IKBIP: variants seen among roughly 807,000 people sequenced by gnomAD.
The protein encoded by IKBIP is IKBKB interacting protein.
In IKBIP, 28 loss-of-function variants were observed where a neutral mutation model predicts 31.0. The ratio of observed to expected loss-of-function variants is 0.90; its 90% CI spans 0.67 to 1.24. The LOEUF is 1.24. IKBIP is among the 50% of genes most tolerant of loss of function. The probability of loss-of-function intolerance (pLI) is 0.00; values close to 1 mark genes in which losing one functional copy is unlikely to be tolerated. For missense variants in IKBIP, 453 were observed against 441.9 expected, an observed-to-expected ratio of 1.03 and a Z score of -0.23; for synonymous variants, 164 against 160.3, an observed-to-expected ratio of 1.02 and a Z score of -0.17.
chr12:98,630,589 T>C (rs1046161657), intron 2 of IKBIP, among the ~76,000 whole-genome samples: 1 of 152,128 alleles, frequency 6.6e-6, no homozygotes, highest in Non-Finnish European at 1.5e-5. Flanking sequence ...GAGAAAAAAA[T>C]TGGTTTCATT....
downstream of IKBIP, among the ~76,000 whole-genome samples, chr12:98,622,192 T>A (rs1035563923): frequency 7.9e-5 from 12 of 152,228 alleles, no homozygotes; most frequent in African/African-American, 2.6e-4. Context: ...CCTCTCCTGC[T>A]GTGTAAAGCT....
downstream of IKBIP, among the ~76,000 whole-genome samples, chr12:98,622,074 TAAA>T (rs397850941): frequency 9.8e-5 from 13 of 132,232 alleles, no homozygotes; most frequent in Admixed American, 1.5e-4. Flanking sequence ...GACTCCATCT[TAAA>T]AAAAAAAAAA....
chr12:98,620,372 AT>A (rs879561952), downstream of IKBIP, among the ~76,000 whole-genome samples: 243 of 142,264 alleles, frequency 1.7e-3, 1 homozygote, highest in South Asian at 0.028. Flanking sequence ...TTGCTAAAGG[AT>A]TTTTTTTTTT....
exon 3 of IKBIP, chr12:98,613,920 T>A (rs1273314610): frequency 2.5e-6 from 4 of 1,613,540 alleles, no homozygotes; most frequent in African/African-American, 1.3e-5. Flanking sequence ...TTAACAGAGT[T>A]AATTCTTTGT....
At chr12:98,629,462 G>A (rs1244420023) in intron 2 of IKBIP, among the ~76,000 whole-genome samples, 1 of 152,150 alleles carries the variant, frequency 6.6e-6, no homozygotes, top group Non-Finnish European at 1.5e-5. Context: ...GGGAGGCTGA[G>A]GTGGGAGGAT....
chr12:98,615,481 G>A (rs569200656), intron 2 of IKBIP, among the ~76,000 whole-genome samples: 11 of 152,146 alleles, frequency 7.2e-5, no homozygotes, highest in African/African-American at 2.2e-4. Context: ...CGCCCGCCTC[G>A]ACCTCCCAAA....
Position 98,644,597 on chromosome 12 carries a change from G to C in IKBIP, c.105C>G (p.Ser35Arg). ...GGGGGTCTGCCCAGCCCCCGCCTCC[G>C]CTGCTCCGGGCCACGGGGGTCTTCC... ...EGGKTPVARS[S>R]GGGGWADPRT... Residue 35 changes from serine to arginine, a missense_variant, in exon 1 of 3, where the codon AGC becomes AGG. Physicochemically the swap from Ser to Arg is moderately radical, Grantham distance 110. Coordinates refer to ENST00000299157, the MANE Select transcript of IKBIP (RefSeq NM_153687.4). 1 of 1,609,746 alleles carries C rather than the reference G, an allele frequency of 6.2e-7. No individual in the cohort carries two copies. Among genetic ancestry groups the C allele is most frequent in the Non-Finnish European group, 8.5e-7 (1 of 1,178,622 alleles).
At chr12:98,637,010 C>G (rs74932821) in intron 1 of IKBIP, among the ~76,000 whole-genome samples, 3 of 151,896 alleles carry the variant, frequency 2.0e-5, no homozygotes, top group Non-Finnish European at 4.4e-5. Flanking sequence ...TATAGATTAG[C>G]GAGTTTATTC....
chr12:98,624,592 G>T lies in IKBIP; in HGVS notation c.*1338C>A, dbSNP rs1048112938. The T allele has an allele frequency of 1.1e-6, 1 of 932,204 alleles. No homozygotes were observed. Among genetic ancestry groups the T allele is most frequent in the Non-Finnish European group, 1.3e-6 (1 of 781,738 alleles). 57.7% of individuals were successfully genotyped at this position (932,204 alleles called of 1,614,324 possible). ...AAAACTGCATTATAAAACTGGTAAG[G>T]TTATTGACAAAGAAACAAGAACAAA... On this transcript the variant is annotated 3_prime_UTR_variant, in exon 3 of 3. Transcript: ENST00000299157.
chr12:98,626,612 T>G lies in IKBIP; in HGVS notation c.452A>C (p.Lys151Thr). ...CCAGAAATCCGTAATATTCTGAAAT[T>G]TCTCATTAAGGCTTTGCATCCTTTG... The part of the protein sequence containing the change: ...LTQRMQSLNE[K>T]FQNITDFWKR... Residue 151 changes from lysine to threonine, a missense_variant, in exon 3 of 3, where the codon AAA (lysine) becomes ACA (threonine). Lys to Thr is a moderately conservative substitution (Grantham distance 78). Coordinates refer to ENST00000299157, the MANE Select transcript of IKBIP (RefSeq NM_153687.4). The G allele has an allele frequency of 6.2e-7, 1 of 1,613,912 alleles. No homozygotes were observed. Among genetic ancestry groups the G allele is most frequent in the Non-Finnish European group, 8.5e-7 (1 of 1,180,024 alleles).
chr12:98,616,215 TTTTAA>T (rs1356099458), intron 2 of IKBIP, among the ~76,000 whole-genome samples: 1 of 152,184 alleles, frequency 6.6e-6, no homozygotes, highest in Non-Finnish European at 1.5e-5. Flanking sequence ...CTCATTGTGG[TTTTAA>T]TTTTTCATTT....
rs375127454 is a variant in IKBIP at position 98,624,923 on chromosome 12, GC to G, written c.*1006del. ...GGGTTCACACCATTCTCCTGCCTCA[GC>G]CTCCTGAGTAGCTGGGACTACAGGC... On this transcript the variant is annotated 3_prime_UTR_variant, in exon 3 of 3. Coordinates refer to ENST00000299157, the MANE Select transcript of IKBIP (RefSeq NM_153687.4). 6.7e-4 allele frequency: 202 copies of G among 302,986 alleles called. 3 individuals are homozygous for G. The South Asian group carries it at 0.024, about 37-fold the overall frequency. The allele number at this position is 302,986 out of a possible 1,614,324, so 18.8% of individuals were successfully genotyped here.
chr12:98,614,972 G>A (rs1312420495), intron 2 of IKBIP, among the ~76,000 whole-genome samples: 1 of 152,154 alleles, frequency 6.6e-6, no homozygotes, highest in East Asian at 1.9e-4. Flanking sequence ...TTTTTCAGTT[G>A]CTGGAGAAGG....
intron 2 of IKBIP, among the ~76,000 whole-genome samples, chr12:98,633,154 G>C (rs1194565691): frequency 6.6e-6 from 1 of 152,068 alleles, no homozygotes; most frequent in African/African-American, 2.4e-5. Context: ...TACCCACCCT[G>C]GTGCCAAGCA....
chr12:98,643,956 C>CA (rs2097634568), intron 1 of IKBIP, among the ~76,000 whole-genome samples: 1 of 152,104 alleles, frequency 6.6e-6, no homozygotes, highest in East Asian at 1.9e-4. Context: ...ACTGGGACTA[C>CA]AGGCGCCCGC....
At chr12:98,638,444 G>A (rs2097627754) in intron 1 of IKBIP, among the ~76,000 whole-genome samples, 1 of 152,032 alleles carries the variant, frequency 6.6e-6, no homozygotes, top group African/African-American at 2.4e-5. Flanking sequence ...ATAATGCCTG[G>A]CTAATTTTTT....
rs71432181 is a variant in IKBIP, at chr12:98,633,510, C to CTTTTTTTTTTTT, written c.297+774_297+785dup. On this transcript the variant is annotated intron_variant, in intron 2 of 2. Coordinates refer to ENST00000299157, the MANE Select transcript of IKBIP (RefSeq NM_153687.4). ...GCTAGCCGTTCTTTTTTTTTTAATT[C>CTTTTTTTTTTTT]TTTTTTTTTTTTTTTTTTTTTTTTG... 4.1e-4 allele frequency among the ~76,000 whole-genome samples: 25 copies of CTTTTTTTTTTTT among 61,390 alleles called. 3 individuals carry two copies. Among genetic ancestry groups the CTTTTTTTTTTTT allele is most frequent in the East Asian group, 6.0e-4 (1 of 1,658 alleles). The allele number at this position is 61,390 out of a possible 152,430, so 40.3% of individuals were successfully genotyped here.
chr12:98,618,918 A>T (rs950084107), intron 2 of IKBIP, among the ~76,000 whole-genome samples: 4 of 152,234 alleles, frequency 2.6e-5, no homozygotes, highest in African/African-American at 9.6e-5. Flanking sequence ...GTTGCAAAAT[A>T]ATTATAATGA....
At chr12:98,644,401 G>A in intron 1 of IKBIP, 122 bp downstream of exon 1, 3 of 921,202 alleles carry the variant, frequency 3.3e-6, no homozygotes, top group Non-Finnish European at 4.7e-6. Context: ...GGTCAAGACA[G>A]AGGCACAGAA....
Sources: allele counts gnomAD v4.1 joint callset (sites outside exome capture counted in the v4.1 genomes callset), GRCh38; gene constraint gnomAD v4.1.1; transcripts MANE v1.5; gene names NCBI Gene and HGNC (gene_info 2026-07-23, HGNC 2026-07-21).